PMM2: variants seen among roughly 807,000 people sequenced by gnomAD.
PMM2 encodes the protein mannose-6-phosphate isomerase.
Under a neutral mutation model 33.2 loss-of-function variants are expected in PMM2, and 35 were observed. That is an observed-to-expected ratio of 1.06 (90% CI 0.81 to 1.40). PMM2 has a LOEUF of 1.40. PMM2 is among the 40% of genes most tolerant of loss of function. PMM2 has a pLI of 0.00. For missense variants in PMM2, 386 were observed against 306.0 expected (o/e 1.26, Z -1.95); for synonymous variants, 153 against 114.7 (o/e 1.33, Z -2.13).
chr16:8,807,563 T>G (rs2060654633), intron 4 of PMM2: 1 of 152,416 alleles, frequency 6.6e-6, no homozygotes, highest in African/African-American at 2.4e-5. Context: ...GGCATGATCA[T>G]AGCTCACTGC....
At chr16:8,800,906 A>G (rs983128330) in intron 1 of PMM2, among the ~76,000 whole-genome samples, 2 of 152,034 alleles carry the variant, frequency 1.3e-5, no homozygotes, top group African/African-American at 2.4e-5. Flanking sequence ...CTGATCTCGA[A>G]CTCTGACCTC....
intron 7 of PMM2, among the ~76,000 whole-genome samples, chr16:8,828,996 G>T (rs1354431352): frequency 6.6e-6 from 1 of 152,026 alleles, no homozygotes; most frequent in Non-Finnish European, 1.5e-5. Context: ...TTTTTCTTTT[G>T]AGATGGAGTC....
At chr16:8,825,175 C>T (rs1006652987) in intron 7 of PMM2, among the ~76,000 whole-genome samples, 44 of 152,106 alleles carry the variant, frequency 2.9e-4, no homozygotes, top group Non-Finnish European at 5.3e-4. Context: ...GGACTACAGG[C>T]GTGTGCCACC....
intron 1 of PMM2, among the ~76,000 whole-genome samples, chr16:8,799,446 T>C (rs2060598698): frequency 6.6e-6 from 1 of 152,208 alleles, no homozygotes; most frequent in Non-Finnish European, 1.5e-5. Context: ...TATTGGTTCC[T>C]GTCAAGTTTG....
At chr16:8,798,722 G>A (rs2060593881) in intron 1 of PMM2, among the ~76,000 whole-genome samples, 3 of 152,108 alleles carry the variant, frequency 2.0e-5, no homozygotes, top group African/African-American at 7.2e-5. Context: ...GTTACGATCA[G>A]CCTTGAGGTG....
chr16:8,845,872 C>T (rs1340744388), intron 7 of PMM2, among the ~76,000 whole-genome samples: 1 of 150,900 alleles, frequency 6.6e-6, no homozygotes, highest in Non-Finnish European at 1.5e-5. Context: ...GTCTCAGCTA[C>T]TCGAGAGGCT....
chr16:8,814,465 C>G lies in PMM2; in HGVS notation c.639+1359C>G, dbSNP rs139126977. ...TCTCATCCCTCTGATCTCTGGTCCACTCCAAAATCCTTGCTGCACTGCTAA... is the reference window on the plus strand; with the variant it reads ...TCTCATCCCTCTGATCTCTGGTCCAGTCCAAAATCCTTGCTGCACTGCTAA... On this transcript the variant is annotated intron_variant, in intron 7 of 7. Coordinates refer to ENST00000268261, the MANE Select transcript of PMM2 (RefSeq NM_000303.3). Among the ~76,000 whole-genome samples, 626 of 152,250 alleles carry G rather than the reference C, an allele frequency of 4.1e-3. 4 individuals carry two copies. Among genetic ancestry groups the G allele is most frequent in the South Asian group, 0.011 (55 of 4,822 alleles).
intron 7 of PMM2, among the ~76,000 whole-genome samples, chr16:8,821,541 G>A (rs373653264): frequency 6.6e-6 from 1 of 152,228 alleles, no homozygotes; most frequent in Admixed American, 6.5e-5. Context: ...CTTCCAGGGA[G>A]CCCCTTGATG....
At chr16:8,844,741 C>T (rs1458994521) in intron 7 of PMM2, among the ~76,000 whole-genome samples, 6 of 152,096 alleles carry the variant, frequency 3.9e-5, no homozygotes, top group Non-Finnish European at 8.8e-5. Flanking sequence ...ACAGATAAAA[C>T]GTCTCCTTTG....
At chr16:8,839,879 G>GTTAAT (rs1386722468) in intron 7 of PMM2, among the ~76,000 whole-genome samples, 8 of 139,894 alleles carry the variant, frequency 5.7e-5, no homozygotes, top group African/African-American at 1.1e-4. Context: ...GGGGAGAAAG[G>GTTAAT]AGAAAGGAGA....
At chr16:8,844,294 G>A (rs1475954842) in intron 7 of PMM2, among the ~76,000 whole-genome samples, 1 of 152,116 alleles carries the variant, frequency 6.6e-6, no homozygotes, top group East Asian at 1.9e-4. Context: ...TAGTGAAGGA[G>A]GCAAGCCCAG....
At chr16:8,839,148 G>A (rs962528583) in intron 7 of PMM2, among the ~76,000 whole-genome samples, 1 of 151,974 alleles carries the variant, frequency 6.6e-6, no homozygotes, top group Non-Finnish European at 1.5e-5. Context: ...TTAGTGGAAT[G>A]ACTCTTCTTT....
intron 7 of PMM2, among the ~76,000 whole-genome samples, chr16:8,827,345 TC>T (rs1368692307): frequency 6.6e-6 from 1 of 150,506 alleles, no homozygotes; most frequent in African/African-American, 2.4e-5. Context: ...AAAAAAAAAA[TC>T]CAGGAAGAGA....
chr16:8,811,620 T>C lies in PMM2; in HGVS notation c.448-18T>C, dbSNP rs1195706407. The C allele has an allele frequency of 1.3e-6, 2 of 1,541,604 alleles. No homozygotes were observed. Among genetic ancestry groups the C allele is most frequent in the African/African-American group, 2.7e-5 (2 of 73,530 alleles). ...ACTGCAATACAAGAAACAATTGGTA[T>C]CTTTTTGTTTTTCTCAGAAAGAAAA... is the stretch of plus-strand genomic sequence containing the variant. On this transcript the variant is annotated intron_variant, in intron 5 of 7. Transcript: ENST00000268261.
chr16:8,820,526 G>T (rs2060732456), intron 7 of PMM2, among the ~76,000 whole-genome samples: 1 of 152,004 alleles, frequency 6.6e-6, no homozygotes, highest in South Asian at 2.1e-4. Flanking sequence ...GCTAATTTTT[G>T]TATTTTTAGT....
At chr16:8,817,453 T>TG in intron 7 of PMM2, among the ~76,000 whole-genome samples, 1 of 152,222 alleles carries the variant, frequency 6.6e-6, no homozygotes, top group Non-Finnish European at 1.5e-5. Context: ...CGACAGCAGA[T>TG]TGTTCTGTAA....
At chr16:8,847,573 C>T in intron 7 of PMM2, 151 bp from the exon 8 acceptor site, 1 of 682,400 alleles carries the variant, frequency 1.5e-6, no homozygotes, top group Non-Finnish European at 2.7e-6. Flanking sequence ...ACTCACGTTC[C>T]TCTCCTGGAA....
chr16:8,801,890 A>T lies in PMM2; in HGVS notation c.158A>T (p.Gln53Leu), dbSNP rs766103576. Residue 53 changes from glutamine (Q) to leucine (L), a missense_variant, in exon 2 of 8, where the codon CAG becomes CTG. Gln to Leu is a moderately radical substitution (Grantham distance 113). Coordinates refer to ENST00000268261, the MANE Select transcript of PMM2 (RefSeq NM_000303.3). The stretch of plus-strand genomic sequence containing the variant: ...GGCGGATCGGACTTTGAGAAAGTGC[A>T]GGAGCAACTGGGAAATGATGGTAAA... The part of the protein sequence containing the change: ...VVGGSDFEKV[Q>L]EQLGNDVVEK... The T allele has an allele frequency of 6.2e-7, 1 of 1,608,730 alleles. No homozygotes were observed.
chr16:8,844,943 G>T (rs577107142), intron 7 of PMM2, among the ~76,000 whole-genome samples: 8 of 152,308 alleles, frequency 5.3e-5, no homozygotes, highest in African/African-American at 1.9e-4. Context: ...GGTCGTAGGT[G>T]GATCTTTCTC....
Sources: gnomAD v4.1 joint callset for allele counts (sites outside exome capture counted in the v4.1 genomes callset) on GRCh38, gnomAD v4.1.1 for gene constraint, MANE v1.5 for transcripts, NCBI Gene and HGNC (gene_info 2026-07-23, HGNC 2026-07-21) for gene names.